The following CELF5 variants were observed in gnomAD, a reference collection of about 807,000 sequenced individuals.
CELF5 encodes the protein CUGBP Elav-like family member 5.
A neutral mutation model predicts 54.9 loss-of-function variants in CELF5; 6 were observed. The observed-to-expected ratio is 0.11, with a 90% CI of 0.06 to 0.22. The LOEUF (loss-of-function observed/expected upper bound fraction) is 0.22. CELF5 is among the 10% of genes least tolerant of loss of function. The pLI, the probability that CELF5 is intolerant of heterozygous loss-of-function variation, is 1.00. For synonymous variants in CELF5, 271 were observed against 290.9 expected (o/e 0.93, Z 0.70); for missense variants, 401 against 678.6 (o/e 0.59, Z 4.54).
In CELF5 at chr19:3,278,008, C is replaced by G; in HGVS notation, c.524-23C>G. 6.2e-7 allele frequency: 1 copy of G among 1,607,078 alleles called. No individual in the cohort carries two copies. The highest frequency in any genetic ancestry group is 8.5e-7 in the Non-Finnish European group (1 of 1,173,908). On this transcript the variant is annotated intron_variant, in intron 4 of 12. Coordinates refer to ENST00000292672, the MANE Select transcript of CELF5 (RefSeq NM_021938.4). The surrounding 1 kb of genome is among the most constrained non-coding windows in gnomAD (Gnocchi z 4.5). ...GTCCTGTGACCCCATCACCCTCTAC[C>G]TCTTCTTCTTCTCTTGGAGCAGGCT... is the stretch of plus-strand genomic sequence containing the variant.
intron 11 of CELF5, 143 bp downstream of exon 11, chr19:3,290,517 G>T: frequency 6.1e-6 from 5 of 820,524 alleles, no homozygotes; most frequent in Non-Finnish European, 7.7e-6. Context: ...GGGCACAGTG[G>T]ATCACGCCTG....
At chr19:3,285,852 A>T in intron 9 of CELF5, 90 bp from the exon 10 acceptor site, 2 of 467,062 alleles carry the variant, frequency 4.3e-6, no homozygotes, top group Non-Finnish European at 5.9e-6. Context: ...CCACCCTCTT[A>T]TGGCCCCGCC....
intron 10 of CELF5, 162 bp downstream of exon 10, chr19:3,286,187 CCTGGGAAT>C (rs2080245900): frequency 1.8e-6 from 1 of 547,830 alleles, no homozygotes; most frequent in Non-Finnish European, 3.1e-6. Context: ...GCCGCTGACC[CCTGGGAAT>C]CTCCCTCTCT....
intron 2 of CELF5, among the ~76,000 whole-genome samples, chr19:3,271,467 G>C (rs567666879): frequency 6.6e-6 from 1 of 152,300 alleles, no homozygotes; most frequent in Non-Finnish European, 1.5e-5. Context: ...GGGTCCCTCT[G>C]AGGGTGCGGC....
At chr19:3,232,865 G>A (rs1032834230) in intron 1 of CELF5, among the ~76,000 whole-genome samples, 4 of 152,014 alleles carry the variant, frequency 2.6e-5, no homozygotes, top group Admixed American at 6.6e-5. Flanking sequence ...ACCAGAGGTC[G>A]GGAGTTCGAG....
At chr19:3,273,588 A>G (rs954881783) in intron 2 of CELF5, among the ~76,000 whole-genome samples, 2 of 152,214 alleles carry the variant, frequency 1.3e-5, no homozygotes, top group African/African-American at 2.4e-5. Flanking sequence ...GTCACATCGC[A>G]TAAAGGGACT....
chr19:3,226,299 ATG>A (rs1599373786), intron 1 of CELF5, among the ~76,000 whole-genome samples: 2 of 152,068 alleles, frequency 1.3e-5, no homozygotes, highest in Non-Finnish European at 2.9e-5. Context: ...GAATGAATGA[ATG>A]AAGGGGTTCA....
chr19:3,273,814 C>A, intron 2 of CELF5, 58 bp from the exon 3 acceptor site: 1 of 1,237,544 alleles, frequency 8.1e-7, no homozygotes. Flanking sequence ...GGCAAAACCC[C>A]CCGCCTGCCA....
At position 3,228,414 on chromosome 19, in the gene CELF5, G is replaced by A. The variant is rs1350234739; in HGVS notation, c.259+3416G>A. Among the ~76,000 whole-genome samples, 1 of 152,202 alleles carries A rather than the reference G, an allele frequency of 6.6e-6. No homozygotes were observed. The highest frequency in any genetic ancestry group is 6.5e-5 in the Admixed American group (1 of 15,282). On this transcript the variant is annotated intron_variant, in intron 1 of 12. Transcript: ENST00000292672. The surrounding 1 kb of genome is among the most constrained non-coding windows in gnomAD (Gnocchi z 6.0). Reference sequence around the variant, plus strand: ...CCTGCCCCGGGGACCCTCCCTCCAAGGCAGGCACCTCTGGAGCTGTGGCTG... The same window carrying A: ...CCTGCCCCGGGGACCCTCCCTCCAAAGCAGGCACCTCTGGAGCTGTGGCTG...
Position 3,275,563 on chromosome 19 carries a change from G to A in CELF5, c.395-293G>A, listed in dbSNP as rs957248020. Among the ~76,000 whole-genome samples, 3 of 152,238 alleles carry A rather than the reference G, an allele frequency of 2.0e-5. No individual in the cohort carries two copies. The highest frequency in any genetic ancestry group is 4.4e-5 in the Non-Finnish European group (3 of 68,044). On this transcript the variant is annotated intron_variant, in intron 3 of 12. Coordinates refer to ENST00000292672, the MANE Select transcript of CELF5 (RefSeq NM_021938.4). The surrounding 1 kb of genome is among the most constrained non-coding windows in gnomAD (Gnocchi z 6.7). ...GAAAGGTCATCTCCGCCTGGAGGGG[G>A]AGCAGTGGAGCAGAGACCCCAAAAG...
chr19:3,257,781 TTTTTTTTATTTATTTA>T (rs766774235), intron 2 of CELF5, among the ~76,000 whole-genome samples: 11,555 of 91,738 alleles, frequency 0.13, 698 homozygotes, highest in South Asian at 0.25. Context: ...CAGCCTCCAT[TTTTTTTTATTTATTTA>T]TTTATTTATT....
chr19:3,290,348 G>A lies in CELF5; in HGVS notation c.1304G>A (p.Arg435Gln), dbSNP rs1293211096. 9.9e-6 allele frequency: 16 copies of A among 1,613,662 alleles called. No homozygotes were observed. The highest frequency in any genetic ancestry group is 3.4e-6 in the Non-Finnish European group (4 of 1,179,898). ...NIISSKVFMD[R>Q]ATNQSKCFGF... ...ATTTCCTCCAAGGTGTTTATGGATC[G>A]AGCTACCAACCAGAGCAAGTGTTTC... Residue 435 changes from arginine (R) to glutamine (Q), a missense_variant, in exon 11 of 13, where the codon CGA becomes CAA. This residue lies in a region of CELF5 where 59 missense variants were observed against 128.8 expected (regional missense o/e 0.46). Coordinates refer to ENST00000292672, the MANE Select transcript of CELF5 (RefSeq NM_021938.4).
At chr19:3,226,539 G>T (rs377716967) in intron 1 of CELF5, among the ~76,000 whole-genome samples, 1 of 151,098 alleles carries the variant, frequency 6.6e-6, no homozygotes. Context: ...GCTCCCATGC[G>T]GCCCCCATAA....
intron 1 of CELF5, among the ~76,000 whole-genome samples, chr19:3,248,060 C>T (rs1039456473): frequency 7.2e-5 from 11 of 152,152 alleles, no homozygotes; most frequent in African/African-American, 1.2e-4. Context: ...CCACCGCACC[C>T]GGCCCATCTT....
At position 3,248,853 on chromosome 19, in the gene CELF5, T is replaced by TCTTTCTTC. The variant is rs1474805668; in HGVS notation, c.260-2129_260-2128insTCTTCCTT. Among the ~76,000 whole-genome samples, 102 of 118,910 alleles carry TCTTTCTTC rather than the reference T, an allele frequency of 8.6e-4. 1 individual carries two copies. The highest frequency in any genetic ancestry group is 1.3e-3 in the Non-Finnish European group (72 of 57,348). The allele number at this position is 118,910 out of a possible 152,430, so 78.0% of individuals were successfully genotyped here. A position where few individuals can be genotyped will look rare whatever the true frequency, so the allele number is the denominator to read the frequency against. On this transcript the variant is annotated intron_variant, in intron 1 of 12. Coordinates refer to ENST00000292672, the MANE Select transcript of CELF5 (RefSeq NM_021938.4). The stretch of plus-strand genomic sequence containing the variant: ...CCTACTACAAACTTTTTTCTTTCTT[T>TCTTTCTTC]CTTCCTTCCTTCCTTCCTTCCTTCC...
chr19:3,254,391 C>T (rs886464360), intron 2 of CELF5, among the ~76,000 whole-genome samples: 6 of 152,154 alleles, frequency 3.9e-5, no homozygotes, highest in Admixed American at 3.9e-4. Context: ...CCTACCCACC[C>T]ACACATCCAT....
At chr19:3,240,259 C>T (rs1466300711) in intron 1 of CELF5, among the ~76,000 whole-genome samples, 2 of 152,012 alleles carry the variant, frequency 1.3e-5, no homozygotes, top group East Asian at 1.9e-4. Context: ...TCAAATGATC[C>T]GCCTGCCTCT....
intron 1 of CELF5, among the ~76,000 whole-genome samples, chr19:3,226,440 T>TCTCACACACACACACACACA (rs1555715645): frequency 2.5e-5 from 3 of 118,876 alleles, no homozygotes; most frequent in Non-Finnish European, 3.4e-5. Flanking sequence ...AAACCAACCA[T>TCTCACACACACACACACACA]CACACACACA....
chr19:3,271,168 A>T (rs889852470), intron 2 of CELF5, among the ~76,000 whole-genome samples: 1 of 12,372 alleles, frequency 8.1e-5, no homozygotes, highest in African/African-American at 3.3e-4. Flanking sequence ...AGGGGGGAGG[A>T]GGTGAGGGCC....
Sources: gnomAD v4.1 joint callset for allele counts (sites outside exome capture counted in the v4.1 genomes callset) on GRCh38, gnomAD v4.1.1 for gene constraint, gnomAD v4.1.1 regional missense constraint, Gnocchi (gnomAD v3.1) non-coding constraint, MANE v1.5 for transcripts, NCBI Gene and HGNC (gene_info 2026-07-23, HGNC 2026-07-21) for gene names.